The following NFAT5 variants were observed in gnomAD, a reference collection of about 807,000 sequenced individuals.
NFAT5 encodes nuclear factor of activated T-cells 5.
A neutral mutation model predicts 166.5 loss-of-function variants in NFAT5; 31 were observed. That is an observed-to-expected ratio of 0.19 (90% CI 0.14 to 0.25). The LOEUF is 0.25. NFAT5 is among the 10% of genes least tolerant of loss of function. NFAT5 has a pLI of 1.00. For synonymous variants in NFAT5, 612 were observed against 639.7 expected (o/e 0.96, Z 0.65); for missense variants, 1,449 against 1,821.8 (o/e 0.80, Z 3.72).
chr16:69,609,431 G>C (rs1458741676), intron 2 of NFAT5, among the ~76,000 whole-genome samples: 1 of 152,128 alleles, frequency 6.6e-6, no homozygotes, highest in Non-Finnish European at 1.5e-5. Context: ...ATATACATAT[G>C]TCTACATGAA....
Position 69,692,605 on chromosome 16 carries a change from C to A in NFAT5, c.2780C>A (p.Ala927Asp). Residue 927 changes from alanine to aspartate, a missense_variant, in exon 13 of 15, where the codon GCC becomes GAC. Physicochemically the swap from Ala to Asp is moderately radical, Grantham distance 126. Transcript: ENST00000349945. Reference protein sequence around the residue: ...EMQQSICQAAAQIQSELFPST... With the variant: ...EMQQSICQAADQIQSELFPST... ...CAACAGAGTATCTGCCAGGCAGCTG[C>A]CCAGATTCAGTCAGAGTTATTCCCT... 6.2e-7 allele frequency: 1 copy of A among 1,614,210 alleles called. No homozygotes were observed. Among genetic ancestry groups the A allele is most frequent in the Non-Finnish European group, 8.5e-7 (1 of 1,180,044 alleles).
chr16:69,684,083 G>C (rs1007255466), intron 10 of NFAT5, among the ~76,000 whole-genome samples: 2 of 151,388 alleles, frequency 1.3e-5, no homozygotes, highest in African/African-American at 4.9e-5. Flanking sequence ...TGGGTAACAA[G>C]AGCGAAACTC....
chr16:69,626,753 T>C lies in NFAT5; in HGVS notation c.253+225T>C, dbSNP rs72801346. ...TGTCTCATCTATAAATGCCATTTCC[T>C]AAAATGGACCTTGTCTTCAAATATG... On this transcript the variant is annotated intron_variant, in intron 3 of 14. Coordinates refer to ENST00000349945, the MANE Select transcript of NFAT5 (RefSeq NM_138713.4). Among the ~76,000 whole-genome samples the C allele has an allele frequency of 1.3e-3, 197 of 152,346 alleles. 1 individual carries two copies. The highest frequency in any genetic ancestry group is 1.8e-3 in the Non-Finnish European group (124 of 68,030).
chr16:69,664,496 A>G (rs544024311), intron 7 of NFAT5, among the ~76,000 whole-genome samples: 106 of 152,172 alleles, frequency 7.0e-4, no homozygotes, highest in Admixed American at 9.8e-4. Context: ...CGTGTTAGCC[A>G]GGATGGTCTC....
At chr16:69,625,958 A>C (rs937792647) in intron 2 of NFAT5, among the ~76,000 whole-genome samples, 1 of 150,838 alleles carries the variant, frequency 6.6e-6, no homozygotes, top group African/African-American at 2.4e-5. Context: ...AAAAAATAAA[A>C]AAATTTTTTT....
intron 11 of NFAT5, among the ~76,000 whole-genome samples, chr16:69,689,851 CA>C (rs773012871): frequency 2.6e-5 from 4 of 152,208 alleles, no homozygotes; most frequent in African/African-American, 4.8e-5. Flanking sequence ...GGCCTTTCAG[CA>C]GCATATTGAC....
chr16:69,587,758 C>G (rs1198986268), intron 2 of NFAT5, among the ~76,000 whole-genome samples: 2 of 151,894 alleles, frequency 1.3e-5, no homozygotes, highest in Non-Finnish European at 2.9e-5. Context: ...TAGATTATTG[C>G]CACAGCTGAC....
intron 2 of NFAT5, among the ~76,000 whole-genome samples, chr16:69,575,664 A>T (rs987636385): frequency 2.2e-5 from 3 of 137,300 alleles, no homozygotes; most frequent in Non-Finnish European, 4.7e-5. Flanking sequence ...GAGAAGAAAA[A>T]AATTTAGTTT....
At chr16:69,683,971 C>T (rs1162407639) in intron 10 of NFAT5, among the ~76,000 whole-genome samples, 7 of 151,994 alleles carry the variant, frequency 4.6e-5, no homozygotes, top group African/African-American at 1.7e-4. Flanking sequence ...TGATGGTGTG[C>T]GCCTGTAGTC....
intron 4 of NFAT5, chr16:69,648,449 TA>T (rs1157445758): frequency 2.8e-5 from 25 of 896,448 alleles, no homozygotes; most frequent in African/African-American, 1.1e-4. Flanking sequence ...ACAGAGTCGA[TA>T]TTTTTTTTAA....
chr16:69,622,418 G>A (rs1423984031), intron 2 of NFAT5, among the ~76,000 whole-genome samples: 1 of 152,148 alleles, frequency 6.6e-6, no homozygotes, highest in Non-Finnish European at 1.5e-5. Context: ...AACATCTTTG[G>A]TGAAGGAATC....
chr16:69,570,297 A>G (rs1567507224), intron 2 of NFAT5, among the ~76,000 whole-genome samples: 1 of 152,150 alleles, frequency 6.6e-6, no homozygotes. Flanking sequence ...GTCTTAAAAA[A>G]GTTGTTTGCT....
At chr16:69,624,369 C>T (rs1460642714) in intron 2 of NFAT5, among the ~76,000 whole-genome samples, 3 of 151,454 alleles carry the variant, frequency 2.0e-5, no homozygotes, top group African/African-American at 7.3e-5. Flanking sequence ...CCACGCCTGG[C>T]TAACTTTTTG....
rs1308232530 is a variant in NFAT5 at position 69,703,544 on chromosome 16, C to G, written c.*7193C>G. On this transcript the variant is annotated 3_prime_UTR_variant, in exon 15 of 15. Coordinates refer to ENST00000349945, the MANE Select transcript of NFAT5 (RefSeq NM_138713.4). ...GTTCTAATCTTCTTCCCACTGTTTA[C>G]AAATTACCAGTTAATTAACTCGTGA... 1 of 152,556 alleles carries G rather than the reference C, an allele frequency of 6.6e-6. No homozygotes were observed. Among genetic ancestry groups the G allele is most frequent in the African/African-American group, 2.4e-5 (1 of 41,430 alleles). The allele number at this position is 152,556 out of a possible 1,614,324, so 9.5% of individuals were successfully genotyped here. A position where few individuals can be genotyped will look rare whatever the true frequency, so the allele number is the denominator to read the frequency against.
At chr16:69,585,182 T>G (rs2031974631) in intron 2 of NFAT5, among the ~76,000 whole-genome samples, 1 of 151,868 alleles carries the variant, frequency 6.6e-6, no homozygotes, top group African/African-American at 2.4e-5. Flanking sequence ...TATTTTTTTT[T>G]GTATTTTTAG....
chr16:69,604,439 CAGAT>C (rs2033298490), intron 2 of NFAT5, among the ~76,000 whole-genome samples: 1 of 152,218 alleles, frequency 6.6e-6, no homozygotes, highest in South Asian at 2.1e-4. Flanking sequence ...GTTTGTTGTA[CAGAT>C]AGATTATTTC....
chr16:69,659,836 A>C lies in NFAT5; in HGVS notation c.1306A>C (p.Asn436His). ...TCGTGCCAGATTGGTTTTTCGAGTT[A>C]ATATCATGAGGAAAGATGGCTCCAC... ...STRARLVFRV[N>H]IMRKDGSTLT... The change falls in exon 7 of 15, where the codon AAT (asparagine) becomes CAT (histidine). Residue 436 changes from asparagine (N) to histidine (H), a missense_variant. Physicochemically the swap from Asn to His is moderately conservative, Grantham distance 68. This residue lies in a region of NFAT5 where 245 missense variants were observed against 366.6 expected (regional missense o/e 0.67). Transcript: ENST00000349945. The C allele has an allele frequency of 1.2e-6, 2 of 1,614,076 alleles. No individual in the cohort carries two copies. Among genetic ancestry groups the C allele is most frequent in the Non-Finnish European group, 1.7e-6 (2 of 1,179,964 alleles).
intron 3 of NFAT5, chr16:69,646,628 A>T: frequency 1.5e-6 from 1 of 679,176 alleles, no homozygotes; most frequent in Non-Finnish European, 2.0e-6. Flanking sequence ...CCCACTTTTC[A>T]AATTCTATAA....
intron 3 of NFAT5, among the ~76,000 whole-genome samples, chr16:69,639,862 C>A (rs1304625951): frequency 6.6e-6 from 1 of 152,070 alleles, no homozygotes; most frequent in African/African-American, 2.4e-5. Flanking sequence ...ATAAACAGAA[C>A]AAATTGGTGA....
Sources: gnomAD v4.1 joint callset for allele counts (sites outside exome capture counted in the v4.1 genomes callset) on GRCh38, gnomAD v4.1.1 for gene constraint, gnomAD v4.1.1 regional missense constraint, MANE v1.5 for transcripts, NCBI Gene and HGNC (gene_info 2026-07-23, HGNC 2026-07-21) for gene names.